The following LIN7A variants were observed in gnomAD, a reference collection of about 807,000 sequenced individuals.
The protein encoded by LIN7A is protein lin-7 homolog A.
LIN7A carries 25 observed loss-of-function variants against 29.8 expected under a neutral mutation model. The ratio of observed to expected loss-of-function variants is 0.84; its 90% CI spans 0.61 to 1.17. The LOEUF (loss-of-function observed/expected upper bound fraction) is 1.17. LIN7A is among the 50% of genes most tolerant of loss of function. LIN7A has a pLI of 0.00. For missense variants in LIN7A, 239 were observed against 287.0 expected, an observed-to-expected ratio of 0.83 and a Z score of 1.21; for synonymous variants, 118 against 107.5, an observed-to-expected ratio of 1.10 and a Z score of -0.60.
chr12:80,889,268 A>G lies in LIN7A; in HGVS notation c.184T>C (p.Cys62Arg), dbSNP rs1282463099. ...SLKKVLQSEFCTAIREVYQYM... is the reference protein window; with the variant it reads ...SLKKVLQSEFRTAIREVYQYM... ...TGCCATACCTCTCGAATAGCTGTAC[A>G]AAACTCACTCTGAAGCACTTTTTTG... Residue 62 changes from cysteine to arginine, a missense_variant, in exon 2 of 6, where the codon TGT becomes CGT. Physicochemically the swap from Cys to Arg is radical, Grantham distance 180. Transcript: ENST00000552864. The G allele has an allele frequency of 6.2e-7, 1 of 1,606,924 alleles. No homozygotes were observed. The highest frequency in any genetic ancestry group is 8.5e-7 in the Non-Finnish European group (1 of 1,173,870).
chr12:80,846,694 A>T (rs933927047), intron 3 of LIN7A, among the ~76,000 whole-genome samples: 8 of 152,188 alleles, frequency 5.3e-5, no homozygotes, highest in Admixed American at 5.2e-4. Flanking sequence ...GAAGTCAATG[A>T]TTTTATACCT....
At chr12:80,843,567 C>G (rs1427299416) in intron 4 of LIN7A, among the ~76,000 whole-genome samples, 1 of 152,172 alleles carries the variant, frequency 6.6e-6, no homozygotes, top group East Asian at 1.9e-4. Context: ...AGCAGTATCA[C>G]TGGGAGGTTG....
At chr12:80,848,435 A>G in intron 2 of LIN7A, 113 bp from the exon 3 acceptor site, 1 of 723,104 alleles carries the variant, frequency 1.4e-6, no homozygotes, top group Non-Finnish European at 2.4e-6. Context: ...CTATTGCAAA[A>G]TAACATAGGT....
At chr12:80,919,673 C>A (rs954783023) in intron 1 of LIN7A, among the ~76,000 whole-genome samples, 2 of 152,146 alleles carry the variant, frequency 1.3e-5, no homozygotes, top group African/African-American at 4.8e-5. Flanking sequence ...GTCCTGAAAT[C>A]CTTTGATAGT....
At chr12:80,903,598 A>G (rs975431519) in intron 1 of LIN7A, among the ~76,000 whole-genome samples, 2 of 152,098 alleles carry the variant, frequency 1.3e-5, no homozygotes, top group African/African-American at 4.8e-5. Context: ...CCAATTATTC[A>G]CTGATAGACA....
chr12:80,819,360 TA>T (rs1871688541), intron 4 of LIN7A, among the ~76,000 whole-genome samples: 1 of 152,232 alleles, frequency 6.6e-6, no homozygotes, highest in South Asian at 2.1e-4. Context: ...GAAAATGTAT[TA>T]AAAGTATCAC....
In LIN7A at chr12:80,855,291, G is replaced by C. The variant is rs762036671; in HGVS notation, c.202-6969C>G. Among the ~76,000 whole-genome samples the C allele has an allele frequency of 6.8e-4, 104 of 152,198 alleles. 1 individual carries two copies. Among genetic ancestry groups the C allele is most frequent in the Admixed American group, 9.8e-4 (15 of 15,278 alleles). On this transcript the variant is annotated intron_variant, in intron 2 of 5. Transcript: ENST00000552864. ...CACATTATAGTGTGCATTAAGCCTT[G>C]TTAAGTGTATGGCTTTTCTTAAAAA...
chr12:80,840,107 A>G (rs1872742976), intron 4 of LIN7A, among the ~76,000 whole-genome samples: 1 of 152,082 alleles, frequency 6.6e-6, no homozygotes, highest in African/African-American at 2.4e-5. Flanking sequence ...CTCTCCCATC[A>G]GTACCAGTAA....
At chr12:80,873,899 C>A (rs1002440698) in intron 2 of LIN7A, among the ~76,000 whole-genome samples, 3 of 150,264 alleles carry the variant, frequency 2.0e-5, no homozygotes, top group Non-Finnish European at 4.4e-5. Flanking sequence ...GGGAAAGATG[C>A]CTCTTAAATT....
intron 4 of LIN7A, among the ~76,000 whole-genome samples, chr12:80,821,604 G>A (rs546767637): frequency 3.8e-4 from 58 of 152,290 alleles, no homozygotes; most frequent in Non-Finnish European, 6.6e-4. Flanking sequence ...TGCAGCTGCA[G>A]CCAGTCTGGA....
At chr12:80,839,581 T>C (rs977872586) in intron 4 of LIN7A, among the ~76,000 whole-genome samples, 2 of 152,222 alleles carry the variant, frequency 1.3e-5, no homozygotes, top group South Asian at 2.1e-4. Flanking sequence ...GTGTAGTTCA[T>C]AGCAATTAAA....
chr12:80,866,906 CAGACA>C (rs1197134265), intron 2 of LIN7A, among the ~76,000 whole-genome samples: 1 of 152,132 alleles, frequency 6.6e-6, no homozygotes, highest in Admixed American at 6.6e-5. Flanking sequence ...AAATCACATG[CAGACA>C]AGACAACACC....
intron 2 of LIN7A, among the ~76,000 whole-genome samples, chr12:80,875,962 A>G (rs1359431387): frequency 6.6e-6 from 1 of 152,142 alleles, no homozygotes; most frequent in East Asian, 1.9e-4. Flanking sequence ...ATGTGCAAAG[A>G]ACAGAATTGG....
At chr12:80,843,859 G>A (rs764836408) in intron 4 of LIN7A, among the ~76,000 whole-genome samples, 1 of 152,010 alleles carries the variant, frequency 6.6e-6, no homozygotes, top group Non-Finnish European at 1.5e-5. Context: ...ATCATTGCAA[G>A]GAATGGGTAA....
intron 1 of LIN7A, among the ~76,000 whole-genome samples, chr12:80,907,406 A>G (rs185614768): frequency 5.7e-4 from 87 of 152,296 alleles, no homozygotes; most frequent in African/African-American, 2.1e-3. Flanking sequence ...TTTCATTGTC[A>G]TCCACTTACT....
At chr12:80,873,275 A>G (rs1874511815) in intron 2 of LIN7A, among the ~76,000 whole-genome samples, 1 of 152,158 alleles carries the variant, frequency 6.6e-6, no homozygotes, top group African/African-American at 2.4e-5. Context: ...CACACCTGTA[A>G]TCCCAGTACT....
chr12:80,836,974 G>C (rs954684953), intron 4 of LIN7A, among the ~76,000 whole-genome samples: 5 of 151,992 alleles, frequency 3.3e-5, no homozygotes, highest in Admixed American at 2.0e-4. Context: ...GGCAAGATGG[G>C]GGGCGGGGAA....
chr12:80,831,255 G>A (rs900687598), intron 4 of LIN7A, among the ~76,000 whole-genome samples: 3 of 152,018 alleles, frequency 2.0e-5, no homozygotes, highest in South Asian at 2.1e-4. Flanking sequence ...ATATTTTGTC[G>A]ATTTATTGCC....
chr12:80,819,005 G>A (rs1871668458), intron 4 of LIN7A, among the ~76,000 whole-genome samples: 1 of 152,166 alleles, frequency 6.6e-6, no homozygotes, highest in Admixed American at 6.5e-5. Context: ...ATAAGCTACA[G>A]GATATACAAT....
Sources: allele counts gnomAD v4.1 joint callset (sites outside exome capture counted in the v4.1 genomes callset), GRCh38; gene constraint gnomAD v4.1.1; transcripts MANE v1.5; gene names NCBI Gene and HGNC (gene_info 2026-07-23, HGNC 2026-07-21).